Variants in RBBP8 observed in about 807,000 individuals in gnomAD.
RBBP8 encodes DNA endonuclease RBBP8.
RBBP8 carries 88 observed loss-of-function variants against 108.3 expected under a neutral mutation model. That is an observed-to-expected ratio of 0.81 (90% confidence interval 0.68 to 0.97). RBBP8 has a LOEUF of 0.97. Ranked by LOEUF, RBBP8 falls within the 50% of genes least tolerant of loss-of-function variation. RBBP8 has a pLI of 0.00. For missense variants in RBBP8, 1,023 were observed against 1,049.0 expected (o/e 0.98, Z 0.34); for synonymous variants, 332 against 348.2 (o/e 0.95, Z 0.52).
At position 22,996,396 on chromosome 18, in the gene RBBP8, G is replaced by A; in HGVS notation, c.1962G>A (p.Gln654=). 6.2e-7 allele frequency: 1 copy of A among 1,613,612 alleles called. No homozygotes were observed. Among genetic ancestry groups the A allele is most frequent in the Non-Finnish European group, 8.5e-7 (1 of 1,179,882 alleles). Residue 654 remains glutamine, a synonymous_variant, in exon 13 of 19, where the codon CAG becomes CAA. Coordinates refer to ENST00000327155, the MANE Select transcript of RBBP8 (RefSeq NM_002894.3). The stretch of plus-strand genomic sequence containing the variant: ...AAGATGTATCCTTTGAAAATATCCA[G>A]TGGAGTATAGATCCGGGAGCAGACC... ...NNQDVSFENI[Q]WSIDPGADLS...
At chr18:23,013,511 T>C (rs933371374) in intron 16 of RBBP8, among the ~76,000 whole-genome samples, 1 of 152,188 alleles carries the variant, frequency 6.6e-6, no homozygotes, top group Non-Finnish European at 1.5e-5. Flanking sequence ...AATAGTAATA[T>C]CATTTGTATG....
In RBBP8 at chr18:22,992,937, T is replaced by G. The variant is rs369113425; in HGVS notation, c.1110T>G (p.Ser370=). 1.6e-5 allele frequency: 26 copies of G among 1,613,590 alleles called. No homozygotes were observed. The Middle Eastern group carries it at 4.9e-4, about 31-fold the overall frequency. The change falls in exon 11 of 19, where the codon TCT becomes TCG. Residue 370 remains serine, a synonymous_variant. Transcript: ENST00000327155. ...TCCCTTTTAGCAACACTTGTATATC[T>G]AGATTAGAAAAAACTAGATCAAAAT... ...KTLPFSNTCI[S]RLEKTRSKSE... is the part of the protein sequence containing the mutation.
At chr18:22,931,152 A>T (rs1478979615), upstream of RBBP8, among the ~76,000 whole-genome samples, 36 of 152,198 alleles carry the variant, frequency 2.4e-4, no homozygotes, top group Non-Finnish European at 1.5e-5. Context: ...GTTACATGGT[A>T]CTGTAGGAGG....
chr18:22,942,335 TTA>T (rs1911162345), intron 2 of RBBP8, among the ~76,000 whole-genome samples: 4 of 152,084 alleles, frequency 2.6e-5, no homozygotes, highest in Admixed American at 2.6e-4. Flanking sequence ...GTGTTTAGAA[TTA>T]TTTTTGCCTC....
chr18:22,946,272 A>G, intron 2 of RBBP8, 172 bp from the exon 3 acceptor site: 1 of 733,428 alleles, frequency 1.4e-6, no homozygotes, highest in Non-Finnish European at 2.1e-6. Flanking sequence ...ACTAAAAGCA[A>G]TACATTGCAG....
At chr18:22,997,967 A>G (rs1044846635) in intron 14 of RBBP8, among the ~76,000 whole-genome samples, 11 of 152,186 alleles carry the variant, frequency 7.2e-5, no homozygotes, top group Admixed American at 1.3e-4. Flanking sequence ...GGGATTTGCA[A>G]ATGACAGCCA....
Position 22,993,235 on chromosome 18 carries a change from G to T in RBBP8, c.1408G>T (p.Ala470Ser). 6.2e-7 allele frequency: 1 copy of T among 1,614,212 alleles called. No individual in the cohort carries two copies. The highest frequency in any genetic ancestry group is 8.5e-7 in the Non-Finnish European group (1 of 1,180,030). Residue 470 changes from alanine to serine, a missense_variant, in exon 11 of 19, where the codon GCT becomes TCT. Coordinates refer to ENST00000327155, the MANE Select transcript of RBBP8 (RefSeq NM_002894.3). ...CPQASFDKEN[A>S]FPFPMDNQFS... ...CCAAGCTTCTTTTGATAAAGAAAAT[G>T]CTTTCCCTTTTCCAATGGATAATCA...
chr18:22,958,644 C>T (rs891351101), intron 4 of RBBP8, among the ~76,000 whole-genome samples: 1 of 152,146 alleles, frequency 6.6e-6, no homozygotes, highest in African/African-American at 2.4e-5. Flanking sequence ...CTCCCAGGCC[C>T]AAGTGATCCT....
intron 16 of RBBP8, among the ~76,000 whole-genome samples, chr18:23,014,545 G>C (rs113617689): frequency 0.066 from 10,119 of 152,184 alleles, 383 homozygotes; most frequent in Middle Eastern, 0.12. Context: ...GAGGCAGGGG[G>C]ATTACTTGAG....
At chr18:22,988,823 C>T (rs1915496341) in intron 8 of RBBP8, among the ~76,000 whole-genome samples, 2 of 152,172 alleles carry the variant, frequency 1.3e-5, no homozygotes, top group South Asian at 2.1e-4. Context: ...ACATGCAGTG[C>T]TGACAACCTC....
rs552655392 is a variant in RBBP8 at position 23,010,966 on chromosome 18, A to C, written c.2357+4534A>C. 1.8e-3 allele frequency among the ~76,000 whole-genome samples: 275 copies of C among 152,360 alleles called. 1 individual carries two copies. Among genetic ancestry groups the C allele is most frequent in the Non-Finnish European group, 2.7e-3 (187 of 68,038 alleles). Reference sequence around the variant, plus strand: ...ATATTCAGAAGAAAGGATATGGCCAAAATGTGATCTGCATAATCTTAGGAG... The same window carrying C: ...ATATTCAGAAGAAAGGATATGGCCACAATGTGATCTGCATAATCTTAGGAG... On this transcript the variant is annotated intron_variant, in intron 16 of 18. Transcript: ENST00000327155.
intron 2 of RBBP8, 192 bp from the exon 3 acceptor site, chr18:22,946,252 C>A: frequency 1.6e-6 from 1 of 624,238 alleles, no homozygotes; most frequent in Non-Finnish European, 2.7e-6. Context: ...ATTTGACTGT[C>A]ATATGATAGA....
intron 7 of RBBP8, among the ~76,000 whole-genome samples, chr18:22,984,178 T>C (rs1045063157): frequency 4.6e-5 from 7 of 152,198 alleles, no homozygotes; most frequent in Non-Finnish European, 2.9e-5. Context: ...TTTATAATGC[T>C]TTTTAATATT....
At chr18:23,007,139 G>A (rs1054394352) in intron 16 of RBBP8, among the ~76,000 whole-genome samples, 27 of 149,108 alleles carry the variant, frequency 1.8e-4, no homozygotes, top group African/African-American at 4.9e-4. Context: ...TCCTGCCCCC[G>A]CCTCCCGAGT....
intron 4 of RBBP8, among the ~76,000 whole-genome samples, chr18:22,967,869 G>A (rs540727685): frequency 2.6e-5 from 4 of 152,008 alleles, no homozygotes; most frequent in East Asian, 3.9e-4. Flanking sequence ...GGGTTGTCTC[G>A]ATCTCCTGAC....
At chr18:23,025,091 T>G (rs894655461) in intron 18 of RBBP8, among the ~76,000 whole-genome samples, 1 of 151,392 alleles carries the variant, frequency 6.6e-6, no homozygotes, top group African/African-American at 2.4e-5. Flanking sequence ...CTAGACGAAA[T>G]AAATAATAAA....
chr18:22,926,415 C>T (rs1187961589), intron 3 of RBBP8, among the ~76,000 whole-genome samples: 1 of 152,148 alleles, frequency 6.6e-6, no homozygotes, highest in Non-Finnish European at 1.5e-5. Flanking sequence ...AAGAGCAAGA[C>T]TCTGTATCAA....
At chr18:22,956,549 C>G (rs1359168412) in intron 4 of RBBP8, among the ~76,000 whole-genome samples, 2 of 152,100 alleles carry the variant, frequency 1.3e-5, no homozygotes. Context: ...TGATCATAGG[C>G]TGGTCTTGAA....
chr18:23,026,080 A>G (rs893116785), intron 18 of RBBP8, 63 bp from the exon 19 acceptor site: 1 of 1,255,020 alleles, frequency 8.0e-7, no homozygotes, highest in Admixed American at 1.8e-5. Context: ...TGTTTACTAG[A>G]TATAAGCTGA....
Sources: gnomAD v4.1 joint callset for allele counts (sites outside exome capture counted in the v4.1 genomes callset) on GRCh38, gnomAD v4.1.1 for gene constraint, MANE v1.5 for transcripts, NCBI Gene and HGNC (gene_info 2026-07-23, HGNC 2026-07-21) for gene names.